CCDC73: variants seen among roughly 807,000 people sequenced by gnomAD.
CCDC73 encodes coiled-coil domain-containing protein 73.
In CCDC73, 95 loss-of-function variants were observed where a neutral mutation model predicts 116.5. The ratio of observed to expected loss-of-function variants is 0.82; its 90% CI spans 0.69 to 0.97. CCDC73 has a LOEUF of 0.97. Ranked by LOEUF, CCDC73 falls within the 50% of genes least tolerant of loss-of-function variation. The pLI is 0.00. For missense variants in CCDC73, 1,066 were observed against 1,206.8 expected (o/e 0.88, Z 1.73); for synonymous variants, 398 against 401.3 (o/e 0.99, Z 0.10).
chr11:32,669,966 T>C (rs964832878), intron 9 of CCDC73, among the ~76,000 whole-genome samples: 1 of 152,228 alleles, frequency 6.6e-6, no homozygotes, highest in Non-Finnish European at 1.5e-5. Context: ...TTCTTTTTCT[T>C]TGGGTGTATA....
intron 17 of CCDC73, among the ~76,000 whole-genome samples, chr11:32,609,373 A>G (rs989328852): frequency 6.6e-6 from 1 of 152,204 alleles, no homozygotes; most frequent in East Asian, 1.9e-4. Context: ...AAATGCTACC[A>G]ATTTCTTTAC....
intron 6 of CCDC73, among the ~76,000 whole-genome samples, chr11:32,685,298 G>A (rs1856187238): frequency 7.0e-6 from 1 of 143,332 alleles, no homozygotes. Context: ...CTCCTGCCCA[G>A]CTTAAATTCT....
chr11:32,662,332 A>C (rs1294163110), intron 9 of CCDC73, among the ~76,000 whole-genome samples: 6 of 151,760 alleles, frequency 4.0e-5, no homozygotes, highest in Non-Finnish European at 8.8e-5. Context: ...TTCTCCACAT[A>C]CTCTCCAGCT....
At position 32,760,171 on chromosome 11, in the gene CCDC73, T is replaced by C. The variant is rs745854900; in HGVS notation, c.73A>G (p.Ile25Val). The C allele has an allele frequency of 6.2e-7, 1 of 1,601,776 alleles. No homozygotes were observed. The highest frequency in any genetic ancestry group is 8.5e-7 in the Non-Finnish European group (1 of 1,171,448). ...LQSSSETLFS[I>V]QLLDFKTSLL... ...CTTGTTTTGAAATCTAATAGCTGAA[T>C]AGAAAACAATGTCTCTGAAGAACTT... The change falls in exon 2 of 18, where the codon ATT becomes GTT. Residue 25 changes from isoleucine to valine, a missense_variant. By Grantham distance (29) the Ile-to-Val change is conservative (BLOSUM62 3). Coordinates refer to ENST00000335185, the MANE Select transcript of CCDC73 (RefSeq NM_001008391.4).
chr11:32,732,041 AACT>A (rs1850083705), intron 2 of CCDC73, among the ~76,000 whole-genome samples: 1 of 152,208 alleles, frequency 6.6e-6, no homozygotes, highest in Admixed American at 6.5e-5. Context: ...ACGAATGGCT[AACT>A]ACAATAGACA....
upstream of CCDC73, among the ~76,000 whole-genome samples, chr11:32,798,049 T>C (rs888079972): frequency 1.3e-5 from 2 of 152,228 alleles, no homozygotes; most frequent in Non-Finnish European, 2.9e-5. Context: ...TCAGGCTATA[T>C]GCATAAGGTG....
chr11:32,623,494 G>A (rs1304189769), intron 14 of CCDC73, among the ~76,000 whole-genome samples: 1 of 152,136 alleles, frequency 6.6e-6, no homozygotes, highest in African/African-American at 2.4e-5. Context: ...GGGACCACCA[G>A]TGTGCACCGC....
At chr11:32,705,558 G>A (rs751106863) in intron 3 of CCDC73, among the ~76,000 whole-genome samples, 1 of 152,170 alleles carries the variant, frequency 6.6e-6, no homozygotes, top group Non-Finnish European at 1.5e-5. Flanking sequence ...CTGTGTGCCT[G>A]GCTTGCTCTT....
At chr11:32,665,313 A>C (rs1366782665) in intron 9 of CCDC73, among the ~76,000 whole-genome samples, 3 of 152,170 alleles carry the variant, frequency 2.0e-5, no homozygotes, top group East Asian at 3.9e-4. Flanking sequence ...GTAGGTCTCT[A>C]AGGACTTGCT....
At chr11:32,617,705 T>C (rs921104980) in intron 14 of CCDC73, among the ~76,000 whole-genome samples, 2 of 152,130 alleles carry the variant, frequency 1.3e-5, no homozygotes, top group African/African-American at 4.8e-5. Flanking sequence ...TAGTTCAGAT[T>C]AGGTAAGTAG....
intron 12 of CCDC73, among the ~76,000 whole-genome samples, chr11:32,646,217 T>A (rs954890878): frequency 6.6e-6 from 1 of 152,170 alleles, no homozygotes; most frequent in Non-Finnish European, 1.5e-5. Context: ...TTTGGAGACA[T>A]CCATCCTTTC....
chr11:32,703,736 C>G (rs1263061370), intron 3 of CCDC73, among the ~76,000 whole-genome samples: 1 of 97,096 alleles, frequency 1.0e-5, no homozygotes, highest in Non-Finnish European at 2.2e-5. Context: ...AAGAGAATTT[C>G]TGGAAAAAAA....
chr11:32,668,238 A>G (rs554960887), intron 9 of CCDC73, among the ~76,000 whole-genome samples: 1 of 152,298 alleles, frequency 6.6e-6, no homozygotes, highest in East Asian at 1.9e-4. Flanking sequence ...AAGTACTAAT[A>G]AATGGCATGA....
chr11:32,663,247 C>T (rs1161196066), intron 9 of CCDC73, among the ~76,000 whole-genome samples: 1 of 152,158 alleles, frequency 6.6e-6, no homozygotes, highest in Non-Finnish European at 1.5e-5. Context: ...ATGGGGATGG[C>T]ATTGAATCTA....
intron 14 of CCDC73, among the ~76,000 whole-genome samples, chr11:32,626,585 G>C (rs1362916082): frequency 6.6e-6 from 1 of 152,112 alleles, no homozygotes; most frequent in Non-Finnish European, 1.5e-5. Flanking sequence ...TATACTACAT[G>C]GCTACAGTAA....
chr11:32,677,779 C>T (rs1265324368), intron 7 of CCDC73, among the ~76,000 whole-genome samples: 1 of 151,584 alleles, frequency 6.6e-6, no homozygotes, highest in African/African-American at 2.4e-5. Flanking sequence ...TGGTGAAACC[C>T]CGTCTCTACT....
intron 3 of CCDC73, among the ~76,000 whole-genome samples, chr11:32,715,417 C>A (rs1278257896): frequency 6.6e-6 from 1 of 151,962 alleles, no homozygotes; most frequent in Non-Finnish European, 1.5e-5. Context: ...CTTCTGGAAT[C>A]TTAAGTACTG....
At chr11:32,731,640 C>G (rs999314517) in intron 2 of CCDC73, among the ~76,000 whole-genome samples, 7 of 152,176 alleles carry the variant, frequency 4.6e-5, no homozygotes, top group Non-Finnish European at 1.0e-4. Context: ...GCTGGTGATA[C>G]CCAGGCAAAC....
intron 14 of CCDC73, among the ~76,000 whole-genome samples, chr11:32,633,112 G>C (rs1180482955): frequency 6.6e-6 from 1 of 152,124 alleles, no homozygotes. Flanking sequence ...GGAGTGCAGT[G>C]GCACGATCTC....
Sources: gnomAD v4.1 joint callset for allele counts (sites outside exome capture counted in the v4.1 genomes callset) on GRCh38, gnomAD v4.1.1 for gene constraint, MANE v1.5 for transcripts, NCBI Gene and HGNC (gene_info 2026-07-23, HGNC 2026-07-21) for gene names.